Variants in CEP63 observed in about 807,000 individuals in gnomAD.
CEP63 encodes centrosomal protein 63, also known as centrosomal protein of 63 kDa.
A neutral mutation model predicts 89.1 loss-of-function variants in CEP63; 84 were observed. That is an observed-to-expected ratio of 0.94 (90% CI 0.79 to 1.13). The LOEUF is 1.13. Ranked by LOEUF, CEP63 falls within the 50% of genes most tolerant of loss-of-function variation. The pLI, the probability that CEP63 is intolerant of heterozygous loss-of-function variation, is 0.00. For synonymous variants in CEP63, 267 were observed against 272.5 expected (o/e 0.98, Z 0.20); for missense variants, 838 against 813.3 (o/e 1.03, Z -0.37).
At chr3:134,510,536 G>C (rs1944605769) in intron 3 of CEP63, 3 of 436,040 alleles carry the variant, frequency 6.9e-6, no homozygotes, top group Non-Finnish European at 1.3e-5. Flanking sequence ...ATTCCCACTG[G>C]ATGCTTTTTA....
intron 1 of CEP63, among the ~76,000 whole-genome samples, chr3:134,489,470 T>C (rs1335354362): frequency 6.6e-6 from 1 of 152,196 alleles, no homozygotes; most frequent in Non-Finnish European, 1.5e-5. Flanking sequence ...TCTTTTTTTA[T>C]GATGTTAACA....
chr3:134,580,206 A>C (rs918231095), intron 10 of CEP63, among the ~76,000 whole-genome samples: 1 of 145,914 alleles, frequency 6.9e-6, no homozygotes, highest in African/African-American at 2.5e-5. Flanking sequence ...AAAAAAAAAA[A>C]AAAACACTAA....
chr3:134,511,702 C>T (rs551737092), intron 3 of CEP63, among the ~76,000 whole-genome samples: 1 of 152,132 alleles, frequency 6.6e-6, no homozygotes, highest in Admixed American at 6.5e-5. Flanking sequence ...TTTCACATGG[C>T]GGAGGAGGAG....
chr3:134,498,037 C>T (rs185691818), intron 2 of CEP63, among the ~76,000 whole-genome samples: 1 of 152,056 alleles, frequency 6.6e-6, no homozygotes, highest in Non-Finnish European at 1.5e-5. Flanking sequence ...ATCAAGATTC[C>T]TTTGGCTATT....
the CEP63 span, among the ~76,000 whole-genome samples, chr3:134,634,935 A>G: frequency 6.6e-6 from 1 of 152,256 alleles, no homozygotes; most frequent in African/African-American, 2.4e-5. Flanking sequence ...ATTGGATCTC[A>G]TATATTGCTA....
At chr3:134,583,496 G>A (rs1245082884) in intron 10 of CEP63, among the ~76,000 whole-genome samples, 1 of 152,082 alleles carries the variant, frequency 6.6e-6, no homozygotes, top group African/African-American at 2.4e-5. Flanking sequence ...TTGTAGATGT[G>A]TGGTATTATT....
the CEP63 span, chr3:134,625,075 T>G: frequency 6.2e-7 from 1 of 1,600,834 alleles, no homozygotes; most frequent in Non-Finnish European, 8.5e-7. Flanking sequence ...GATATCCAAT[T>G]TCTCAAACTG....
chr3:134,573,121 T>C (rs1958082039), intron 11 of CEP63, among the ~76,000 whole-genome samples: 1 of 152,222 alleles, frequency 6.6e-6, no homozygotes, highest in Non-Finnish European at 1.5e-5. Context: ...GCTTTTTGCT[T>C]GTTGAGTTGT....
At chr3:134,758,529 C>T in the CEP63 span, among the ~76,000 whole-genome samples, 2 of 152,284 alleles carry the variant, frequency 1.3e-5, no homozygotes, top group African/African-American at 2.4e-5. Context: ...GGGTGTTCTT[C>T]GGTTCACACA....
intron 6 of CEP63, among the ~76,000 whole-genome samples, chr3:134,541,724 G>T (rs1035943343): frequency 6.8e-6 from 1 of 147,670 alleles, no homozygotes; most frequent in Non-Finnish European, 1.5e-5. Context: ...TCCTGGTCAG[G>T]CTTTTCTCGA....
the CEP63 span, among the ~76,000 whole-genome samples, chr3:134,753,952 G>A: frequency 1.1e-4 from 16 of 152,324 alleles, no homozygotes; most frequent in South Asian, 2.1e-4. Context: ...GTGCTTGCAC[G>A]TGGGGGTTCT....
At chr3:134,678,820 C>G in the CEP63 span, among the ~76,000 whole-genome samples, 1 of 152,204 alleles carries the variant, frequency 6.6e-6, no homozygotes, top group Non-Finnish European at 1.5e-5. Context: ...CTCATGCACC[C>G]CCTCCACTTG....
the CEP63 span, among the ~76,000 whole-genome samples, chr3:134,696,805 A>G: frequency 6.6e-6 from 1 of 152,368 alleles, no homozygotes; most frequent in South Asian, 2.1e-4. Flanking sequence ...TGATTATACA[A>G]TATTCCATCA....
the CEP63 span, among the ~76,000 whole-genome samples, chr3:134,692,247 T>C: frequency 6.6e-5 from 10 of 152,184 alleles, no homozygotes; most frequent in Non-Finnish European, 1.3e-4. Flanking sequence ...CTCCTAATGC[T>C]ATCCCTTCCC....
chr3:134,704,851 T>TG, the CEP63 span, among the ~76,000 whole-genome samples: 1 of 152,098 alleles, frequency 6.6e-6, no homozygotes, highest in African/African-American at 2.4e-5. Flanking sequence ...GTTGAAGAGG[T>TG]GGGGCGTGGC....
chr3:134,732,646 T>C, the CEP63 span, among the ~76,000 whole-genome samples: 2 of 151,896 alleles, frequency 1.3e-5, no homozygotes, highest in Non-Finnish European at 2.9e-5. Flanking sequence ...AAAAAAGTGA[T>C]CAAAATGGAA....
chr3:134,640,290 T>C, the CEP63 span, among the ~76,000 whole-genome samples: 20 of 152,046 alleles, frequency 1.3e-4, no homozygotes, highest in Non-Finnish European at 1.0e-4. Context: ...AGAGACAGTA[T>C]GGGGGAGTAG....
chr3:134,559,000 A>G, intron 13 of CEP63, 150 bp from the exon 14 acceptor site: 1 of 738,876 alleles, frequency 1.4e-6, no homozygotes, highest in Non-Finnish European at 2.2e-6. Flanking sequence ...GAATGAATGA[A>G]AGAAATCTCT....
the CEP63 span, among the ~76,000 whole-genome samples, chr3:134,686,785 A>G: frequency 6.6e-6 from 1 of 152,182 alleles, no homozygotes; most frequent in Non-Finnish European, 1.5e-5. Flanking sequence ...CAAACACTCT[A>G]TGGAGTAAAG....
Sources: gnomAD v4.1 joint callset for allele counts (sites outside exome capture counted in the v4.1 genomes callset) on GRCh38, gnomAD v4.1.1 for gene constraint, MANE v1.5 for transcripts, NCBI Gene and HGNC (gene_info 2026-07-23, HGNC 2026-07-21) for gene names.